The following PHAF1 variants were observed in gnomAD, a reference collection of about 807,000 sequenced individuals.
The protein encoded by PHAF1 is phagosome assembly factor 1.
Under a neutral mutation model 63.1 loss-of-function variants are expected in PHAF1, and 23 were observed. The ratio of observed to expected loss-of-function variants is 0.36; its 90% CI spans 0.26 to 0.52. PHAF1 has a LOEUF of 0.52. PHAF1 is among the 20% of genes least tolerant of loss of function. The probability of loss-of-function intolerance (pLI) is 0.93; values close to 1 mark genes in which losing one functional copy is unlikely to be tolerated. For synonymous variants in PHAF1, 167 were observed against 185.0 expected, an observed-to-expected ratio of 0.90 and a Z score of 0.79; for missense variants, 427 against 517.2, an observed-to-expected ratio of 0.83 and a Z score of 1.69.
intron 4 of PHAF1, chr16:67,132,177 G>A: frequency 3.1e-6 from 1 of 317,460 alleles, no homozygotes; most frequent in East Asian, 6.1e-5. Flanking sequence ...TCAGGGTCTG[G>A]TGGCTTCTCT....
intron 3 of PHAF1, among the ~76,000 whole-genome samples, chr16:67,126,853 G>T (rs1963212678): frequency 6.6e-6 from 1 of 150,708 alleles, no homozygotes; most frequent in African/African-American, 2.4e-5. Context: ...CTCCCAAAGT[G>T]CTGGGATTAC....
At chr16:67,118,139 T>G (rs1253658082) in intron 1 of PHAF1, among the ~76,000 whole-genome samples, 43 of 143,716 alleles carry the variant, frequency 3.0e-4, no homozygotes, top group African/African-American at 1.0e-3. Flanking sequence ...TTTTTTTTTT[T>G]TTTTTTTTCT....
chr16:67,122,011 C>T (rs1597190890), intron 2 of PHAF1, among the ~76,000 whole-genome samples: 3 of 152,194 alleles, frequency 2.0e-5, no homozygotes, highest in African/African-American at 4.8e-5. Context: ...GATCCTCCCA[C>T]CTCAGTCTCC....
chr16:67,120,076 C>T, intron 1 of PHAF1, 36 bp from the exon 2 acceptor site: 1 of 1,590,126 alleles, frequency 6.3e-7, no homozygotes. Context: ...AGATGGATAG[C>T]CAAAATAACC....
intron 8 of PHAF1, among the ~76,000 whole-genome samples, chr16:67,136,818 C>T (rs1436184452): frequency 3.3e-5 from 5 of 151,838 alleles, no homozygotes; most frequent in African/African-American, 9.7e-5. Flanking sequence ...TAGCCTTAAG[C>T]GGTCGTCCCA....
At chr16:67,146,902 A>C (rs2030140579) in intron 15 of PHAF1, 143 bp from the exon 16 acceptor site, 1 of 746,928 alleles carries the variant, frequency 1.3e-6, no homozygotes, top group East Asian at 2.5e-5. Flanking sequence ...GGGGGCCTTT[A>C]GCATGAACCA....
chr16:67,133,779 CAA>C (rs534311560), intron 6 of PHAF1, among the ~76,000 whole-genome samples: 11 of 103,120 alleles, frequency 1.1e-4, no homozygotes, highest in East Asian at 2.7e-4. Flanking sequence ...GACTCCGTCT[CAA>C]AAAAAAAAAA....
intron 10 of PHAF1, among the ~76,000 whole-genome samples, chr16:67,142,566 A>C (rs117955597): frequency 0.012 from 1,839 of 152,252 alleles, 20 homozygotes; most frequent in Non-Finnish European, 0.018. Context: ...TGCACTCCCA[A>C]CCAGGTCGTG....
intron 10 of PHAF1, among the ~76,000 whole-genome samples, chr16:67,142,680 A>G (rs1167848002): frequency 3.9e-5 from 6 of 152,344 alleles, no homozygotes; most frequent in African/African-American, 1.4e-4. Context: ...CTGCCGGGGC[A>G]AGGGGCCTTC....
Position 67,110,233 on chromosome 16 carries a change from A to G in PHAF1, c.58A>G (p.Thr20Ala). The G allele has an allele frequency of 1.3e-6, 2 of 1,552,130 alleles. No homozygotes were observed. The highest frequency in any genetic ancestry group is 1.4e-5 in the African/African-American group (1 of 73,186). The change falls in exon 1 of 16, where the codon ACG (threonine) becomes GCG (alanine). Residue 20 changes from threonine (T) to alanine (A), a missense_variant. Transcript: ENST00000219139. The stretch of plus-strand genomic sequence containing the variant: ...TCTGGGGAACGAGCAATGGGAATTC[A>G]CGCTGGGTGAGTTTGGGGTCCTCTG... ...RSLGNEQWEF[T>A]LGMPLAQAVA...
At chr16:67,143,022 A>C (rs1166414030) in intron 10 of PHAF1, among the ~76,000 whole-genome samples, 1 of 152,130 alleles carries the variant, frequency 6.6e-6, no homozygotes, top group Admixed American at 6.5e-5. Context: ...CCCTGAGGTC[A>C]CGGGCCCAAG....
Position 67,135,709 on chromosome 16 carries a change from C to T in PHAF1, c.661+1242C>T, listed in dbSNP as rs185620176. ...ATGATCTTGAACTCCTGGGCTCAAT[C>T]GATCCTCCCTCCTTGGCTTTCCAAA... On this transcript the variant is annotated intron_variant, in intron 8 of 15. Coordinates refer to ENST00000219139, the MANE Select transcript of PHAF1 (RefSeq NM_025187.5). 824 of 152,198 alleles carry T rather than the reference C, an allele frequency of 5.4e-3. 4 individuals are homozygous for T. The highest frequency in any genetic ancestry group is 9.5e-3 in the Non-Finnish European group (644 of 68,080). 9.4% of individuals were successfully genotyped at this position (152,198 alleles called of 1,614,324 possible).
rs1238863953 is a variant in PHAF1, at chr16:67,132,503, T to G, written c.333T>G (p.Ser111=). Residue 111 remains serine, a synonymous_variant, in exon 5 of 16, where the codon TCT becomes TCG. Coordinates refer to ENST00000219139, the MANE Select transcript of PHAF1 (RefSeq NM_025187.5). ...IAPTIEQIDQ[S]FGATHPGVYN... ...CTACCATTGAACAGATTGACCAGTCTTTTGGCGCAACCCATCCTGGAGGTA... is the reference window on the plus strand; with the variant it reads ...CTACCATTGAACAGATTGACCAGTCGTTTGGCGCAACCCATCCTGGAGGTA... 6.2e-7 allele frequency: 1 copy of G among 1,614,178 alleles called. No individual in the cohort carries two copies.
At chr16:67,117,523 A>G (rs1962786543) in intron 1 of PHAF1, among the ~76,000 whole-genome samples, 1 of 150,144 alleles carries the variant, frequency 6.7e-6, no homozygotes, top group South Asian at 2.2e-4. Context: ...CATGCCTGTA[A>G]TCCCAGCACT....
At chr16:67,116,969 T>C (rs888456404) in intron 1 of PHAF1, among the ~76,000 whole-genome samples, 2 of 152,138 alleles carry the variant, frequency 1.3e-5, no homozygotes, top group African/African-American at 4.8e-5. Flanking sequence ...AGTCTTTGTT[T>C]TTTGATTGCC....
chr16:67,110,280 C>G (rs1962458003), intron 1 of PHAF1, 41 bp downstream of exon 1: 1 of 1,546,190 alleles, frequency 6.5e-7, no homozygotes, highest in African/African-American at 1.4e-5. Context: ...TTCGCTGATC[C>G]TTGCTTTCTC....
At chr16:67,118,138 T>G (rs550862440) in intron 1 of PHAF1, among the ~76,000 whole-genome samples, 3,051 of 146,596 alleles carry the variant, frequency 0.021, 125 homozygotes, top group African/African-American at 0.071. Context: ...TTTTTTTTTT[T>G]TTTTTTTTTC....
At chr16:67,135,744 T>C (rs573146132) in intron 8 of PHAF1, 1 of 152,192 alleles carries the variant, frequency 6.6e-6, no homozygotes, top group Admixed American at 6.5e-5. Context: ...AGTGCTGGTA[T>C]TACAGGTGCA....
Position 67,148,308 on chromosome 16 carries a change from C to T in PHAF1, c.*1177C>T, listed in dbSNP as rs1196820327. On this transcript the variant is annotated 3_prime_UTR_variant, in exon 16 of 16. Transcript: ENST00000219139. Reference sequence around the variant, plus strand: ...CCTATATGGTTCCTGGGCCTTATAGCCAGGTTTGTGTGGCGCTCCCGACTT... The same window carrying T: ...CCTATATGGTTCCTGGGCCTTATAGTCAGGTTTGTGTGGCGCTCCCGACTT... 1 of 152,618 alleles carries T rather than the reference C, an allele frequency of 6.6e-6. No homozygotes were observed. The highest frequency in any genetic ancestry group is 2.4e-5 in the African/African-American group (1 of 41,432). The allele number at this position is 152,618 out of a possible 1,614,324, so 9.5% of individuals were successfully genotyped here. A position where few individuals can be genotyped will look rare whatever the true frequency, so the allele number is the denominator to read the frequency against.
Sources: gnomAD v4.1 joint callset for allele counts (sites outside exome capture counted in the v4.1 genomes callset) on GRCh38, gnomAD v4.1.1 for gene constraint, MANE v1.5 for transcripts, NCBI Gene and HGNC (gene_info 2026-07-23, HGNC 2026-07-21) for gene names.